Variants in TARBP1 observed in about 807,000 individuals in gnomAD.
TARBP1 encodes the protein tRNA (guanosine(18)-2'-O)-methyltransferase TARBP1.
TARBP1 carries 144 observed loss-of-function variants against 178.6 expected under a neutral mutation model. The ratio of observed to expected loss-of-function variants is 0.81; its 90% CI spans 0.70 to 0.93. The LOEUF is 0.93. TARBP1 is among the 40% of genes least tolerant of loss of function. The pLI is 0.00. For missense variants in TARBP1, 2,067 were observed against 2,011.7 expected (o/e 1.03, Z -0.53); for synonymous variants, 787 against 781.0 (o/e 1.01, Z -0.13).
At chr1:234,424,498 G>A (rs1434762025) in intron 20 of TARBP1, among the ~76,000 whole-genome samples, 1 of 152,186 alleles carries the variant, frequency 6.6e-6, no homozygotes, top group African/African-American at 2.4e-5. Context: ...TATTACAATG[G>A]AAGCAAATCC....
intron 12 of TARBP1, among the ~76,000 whole-genome samples, chr1:234,439,221 A>G (rs1665345062): frequency 6.6e-6 from 1 of 152,246 alleles, no homozygotes; most frequent in African/African-American, 2.4e-5. Flanking sequence ...CTAAGTAAAT[A>G]TAACAGGCCC....
Position 234,427,709 on chromosome 1 carries a change from T to C in TARBP1, c.3118A>G (p.Ile1040Val), listed in dbSNP as rs1420018380. The change falls in exon 18 of 30, where the codon ATA becomes GTA. Residue 1040 changes from isoleucine to valine, a missense_variant. Physicochemically the swap from Ile to Val is conservative, Grantham distance 29 (BLOSUM62 3). Transcript: ENST00000040877. ...ATCCAAGACTGACAGCAGTAACTTA[T>C]CAGTGTATTGAAGACTCCAGTCTTT... The part of the protein sequence containing the change: ...AIKTGVFNTL[I>V]SYCCQSWIVS... 6.5e-7 allele frequency: 1 copy of C among 1,540,524 alleles called. No homozygotes were observed.
At chr1:234,472,839 T>A in intron 1 of TARBP1, 28 bp from the exon 2 acceptor site, 1 of 1,528,804 alleles carries the variant, frequency 6.5e-7, no homozygotes, top group Non-Finnish European at 8.9e-7. Flanking sequence ...AGAAAATTAG[T>A]TCTTCCTTTT....
Position 234,479,038 on chromosome 1 carries a change from C to G in TARBP1, c.66G>C (p.Ala22=). ...CCGCGGATGCCTCCCCTTGGCACAG[C>G]GCCCCAAGCAGGGCCCGGGGGTCCC... The part of the protein sequence containing the change: ...QSRDPRALLG[A]LCQGEASAER... The change falls in exon 1 of 30, where the codon GCG becomes GCC. Residue 22 remains alanine (A), a synonymous_variant. Coordinates refer to ENST00000040877, the MANE Select transcript of TARBP1 (RefSeq NM_005646.4). The G allele has an allele frequency of 6.5e-7, 1 of 1,537,210 alleles. No individual in the cohort carries two copies. The highest frequency in any genetic ancestry group is 8.7e-7 in the Non-Finnish European group (1 of 1,154,754).
In TARBP1 at chr1:234,450,006, T is replaced by C. The variant is rs916626102; in HGVS notation, c.1861+422A>G. Among the ~76,000 whole-genome samples, 3 of 152,196 alleles carry C rather than the reference T, an allele frequency of 2.0e-5. No homozygotes were observed. In the East Asian group the frequency reaches 5.8e-4, roughly 29 times the overall value. ...TAAACACAGCCTTTGTTTAAAATTG[T>C]TTTTCATAATCAGTTCATACTAAAC... On this transcript the variant is annotated intron_variant, in intron 10 of 29. Transcript: ENST00000040877.
At chr1:234,415,462 G>A (rs544782036) in intron 22 of TARBP1, among the ~76,000 whole-genome samples, 5 of 152,272 alleles carry the variant, frequency 3.3e-5, no homozygotes, top group African/African-American at 1.2e-4. Flanking sequence ...GGGTGTAGTG[G>A]ACAACTGCCC....
chr1:234,466,456 G>A (rs1417457668), intron 4 of TARBP1, among the ~76,000 whole-genome samples: 1 of 152,164 alleles, frequency 6.6e-6, no homozygotes, highest in Non-Finnish European at 1.5e-5. Flanking sequence ...AGGTTGCAGT[G>A]AGCTGAGATC....
Position 234,429,769 on chromosome 1 carries a change from G to A in TARBP1, c.2610-92C>T, listed in dbSNP as rs888578997. On this transcript the variant is annotated intron_variant, in intron 15 of 29. Coordinates refer to ENST00000040877, the MANE Select transcript of TARBP1 (RefSeq NM_005646.4). The stretch of plus-strand genomic sequence containing the variant: ...CACACTATCCTTTCTAAAGGTGGGG[G>A]GGGGGGGGCAGTGTACAGATATAAA... The A allele has an allele frequency of 1.1e-4, 143 of 1,304,982 alleles. 3 individuals are homozygous for A. Among genetic ancestry groups the A allele is most frequent in the Middle Eastern group, 5.6e-4 (2 of 3,576 alleles). The allele number at this position is 1,304,982 out of a possible 1,614,324, so 80.8% of individuals were successfully genotyped here. A position where few individuals can be genotyped will look rare whatever the true frequency, so the allele number is the denominator to read the frequency against.
At chr1:234,458,490 A>G (rs1265495152) in intron 8 of TARBP1, among the ~76,000 whole-genome samples, 1 of 152,200 alleles carries the variant, frequency 6.6e-6, no homozygotes, top group Non-Finnish European at 1.5e-5. Context: ...AAAACTATTC[A>G]CAGCCTGTTT....
At chr1:234,427,452 A>C (rs1663904964) in intron 18 of TARBP1, 64 bp from the exon 19 acceptor site, 1 of 1,480,634 alleles carries the variant, frequency 6.8e-7, no homozygotes, top group Non-Finnish European at 9.2e-7. Flanking sequence ...TTAAATCCCC[A>C]AGGTTAAAGT....
chr1:234,453,807 C>G (rs972042570), intron 9 of TARBP1, among the ~76,000 whole-genome samples: 3 of 152,128 alleles, frequency 2.0e-5, no homozygotes, highest in African/African-American at 7.2e-5. Flanking sequence ...TTATAAGCCT[C>G]CTGAGGGTAG....
intron 6 of TARBP1, among the ~76,000 whole-genome samples, chr1:234,463,274 C>T (rs750621018): frequency 6.6e-6 from 1 of 152,124 alleles, no homozygotes; most frequent in Non-Finnish European, 1.5e-5. Context: ...CAGGTACACA[C>T]CATCATGCCC....
chr1:234,392,723 T>C (rs1467591709), intron 28 of TARBP1, 171 bp from the exon 29 acceptor site: 4 of 530,518 alleles, frequency 7.5e-6, no homozygotes, highest in African/African-American at 2.0e-5. Flanking sequence ...CTTTTTTTTT[T>C]TTTTTGAGGT....
rs890442159 is a variant in TARBP1 at position 234,468,048 on chromosome 1, G to C, written c.1100-398C>G. Among the ~76,000 whole-genome samples the C allele has an allele frequency of 3.3e-5, 5 of 151,976 alleles. No individual in the cohort carries two copies. The East Asian group carries it at 9.6e-4, about 29-fold the overall frequency. On this transcript the variant is annotated intron_variant, in intron 3 of 29. Coordinates refer to ENST00000040877, the MANE Select transcript of TARBP1 (RefSeq NM_005646.4). ...CCATCCTCGGCCTGCCAAAGCACTG[G>C]GATTACAGGTATGAGCCACCGCACC...
At chr1:234,462,359 C>T (rs1264357508) in intron 6 of TARBP1, among the ~76,000 whole-genome samples, 2 of 152,178 alleles carry the variant, frequency 1.3e-5, no homozygotes, top group African/African-American at 2.4e-5. Context: ...GGCTGCAGCC[C>T]AGATGCTTAA....
intron 24 of TARBP1, among the ~76,000 whole-genome samples, chr1:234,404,905 C>A (rs1020093489): frequency 6.6e-6 from 1 of 152,184 alleles, no homozygotes; most frequent in Admixed American, 6.6e-5. Context: ...TGCCCAAATG[C>A]CTCTTTTCAA....
intron 24 of TARBP1, among the ~76,000 whole-genome samples, chr1:234,402,742 CTTTT>C (rs1041018266): frequency 1.3e-5 from 2 of 151,696 alleles, no homozygotes; most frequent in African/African-American, 4.8e-5. Context: ...ACCCCGCTAA[CTTTT>C]TTTTATTATT....
In TARBP1 at chr1:234,392,505, T is replaced by C. The variant is rs148238545; in HGVS notation, c.4608A>G (p.Glu1536=). The part of the protein sequence containing the change: ...LIDYLQQKKT[E]GYTIIGVEQT... Reference sequence around the variant, plus strand: ...GTTCCACTCCAATGATGGTATAACCTTCTGTTTTCTTCTGCTGCAGATAAT... The same window carrying C: ...GTTCCACTCCAATGATGGTATAACCCTCTGTTTTCTTCTGCTGCAGATAAT... The change falls in exon 29 of 30, where the codon GAA becomes GAG. Residue 1536 remains glutamate, a synonymous_variant. Coordinates refer to ENST00000040877, the MANE Select transcript of TARBP1 (RefSeq NM_005646.4). 5.4e-5 allele frequency: 87 copies of C among 1,614,058 alleles called. No individual in the cohort carries two copies. In the African/African-American group the frequency reaches 1.0e-3, roughly 19 times the overall value.
intron 21 of TARBP1, among the ~76,000 whole-genome samples, chr1:234,418,875 A>G (rs968566013): frequency 4.6e-5 from 7 of 152,248 alleles, no homozygotes. Context: ...ATAAGCATAT[A>G]AAAGTAATAT....
Sources: gnomAD v4.1 joint callset for allele counts (sites outside exome capture counted in the v4.1 genomes callset) on GRCh38, gnomAD v4.1.1 for gene constraint, MANE v1.5 for transcripts, NCBI Gene and HGNC (gene_info 2026-07-23, HGNC 2026-07-21) for gene names.